The following ARHGAP15 variants were observed in gnomAD, a reference collection of about 807,000 sequenced individuals.
ARHGAP15 encodes Rho GTPase activating protein 15.
Under a neutral mutation model 63.7 loss-of-function variants are expected in ARHGAP15, and 51 were observed. The observed-to-expected ratio is 0.80, with a 90% confidence interval of 0.64 to 1.01. The LOEUF (loss-of-function observed/expected upper bound fraction) is 1.01, where lower values mean the gene tolerates loss of function less well. Ranked by LOEUF, ARHGAP15 falls within the 50% of genes least tolerant of loss-of-function variation. The probability of loss-of-function intolerance (pLI) is 0.00; values close to 1 mark genes in which losing one functional copy is unlikely to be tolerated. For missense variants in ARHGAP15, 560 were observed against 564.6 expected (o/e 0.99, Z 0.08); for synonymous variants, 191 against 193.8 (o/e 0.99, Z 0.12).
At chr2:143,562,499 C>T (rs538856020) in intron 11 of ARHGAP15, among the ~76,000 whole-genome samples, 25 of 152,308 alleles carry the variant, frequency 1.6e-4, no homozygotes, top group East Asian at 1.2e-3. Flanking sequence ...ACAGCAACAA[C>T]GAAACAAACT....
intron 6 of ARHGAP15, among the ~76,000 whole-genome samples, chr2:143,331,505 A>AG (rs1472805438): frequency 1.3e-5 from 2 of 152,212 alleles, no homozygotes; most frequent in Non-Finnish European, 2.9e-5. Context: ...GCACATAATG[A>AG]GTAACTATCA....
chr2:143,163,940 C>G (rs774474860), intron 2 of ARHGAP15, among the ~76,000 whole-genome samples: 1 of 152,030 alleles, frequency 6.6e-6, no homozygotes, highest in Non-Finnish European at 1.5e-5. Context: ...TGCAGGAGAC[C>G]TCTTGCATGG....
intron 6 of ARHGAP15, among the ~76,000 whole-genome samples, chr2:143,335,643 G>A (rs936305230): frequency 2.0e-5 from 3 of 152,220 alleles, no homozygotes; most frequent in Non-Finnish European, 4.4e-5. Flanking sequence ...CAGGAAGGAA[G>A]GGCATGAAGC....
intron 8 of ARHGAP15, among the ~76,000 whole-genome samples, chr2:143,463,735 T>C (rs1691073384): frequency 6.6e-6 from 1 of 152,180 alleles, no homozygotes; most frequent in South Asian, 2.1e-4. Flanking sequence ...TAAAATAATA[T>C]ACCTTCTGAT....
intron 12 of ARHGAP15, among the ~76,000 whole-genome samples, chr2:143,626,825 T>C (rs1698855362): frequency 6.6e-6 from 1 of 152,082 alleles, no homozygotes; most frequent in Non-Finnish European, 1.5e-5. Flanking sequence ...ACCCAGGAAT[T>C]CCAGCTGGCT....
At chr2:143,695,981 A>G (rs1683827675) in intron 12 of ARHGAP15, among the ~76,000 whole-genome samples, 1 of 152,216 alleles carries the variant, frequency 6.6e-6, no homozygotes, top group Non-Finnish European at 1.5e-5. Context: ...GAAAGAAAAG[A>G]TATTATTACT....
intron 12 of ARHGAP15, among the ~76,000 whole-genome samples, chr2:143,634,011 A>G (rs1228106961): frequency 6.6e-6 from 1 of 152,082 alleles, no homozygotes; most frequent in Non-Finnish European, 1.5e-5. Flanking sequence ...TTCTAGTTCT[A>G]AAATACACGC....
chr2:143,686,191 G>A (rs1683330873), intron 12 of ARHGAP15, among the ~76,000 whole-genome samples: 1 of 151,842 alleles, frequency 6.6e-6, no homozygotes, highest in African/African-American at 2.4e-5. Context: ...GGCAGATCAC[G>A]AGGTCAGGAG....
intron 6 of ARHGAP15, among the ~76,000 whole-genome samples, chr2:143,356,689 TTA>T (rs2105326542): frequency 6.6e-6 from 1 of 152,272 alleles, no homozygotes; most frequent in East Asian, 1.9e-4. Context: ...ATAACACAAT[TTA>T]TGTGGCTCGT....
intron 3 of ARHGAP15, among the ~76,000 whole-genome samples, chr2:143,211,350 T>A (rs1023170431): frequency 2.0e-5 from 2 of 98,196 alleles, no homozygotes; most frequent in African/African-American, 3.9e-5. Context: ...ATGGCGGGCG[T>A]GGGTGGGGGG....
chr2:143,222,974 T>C (rs1323126235), intron 4 of ARHGAP15, among the ~76,000 whole-genome samples: 1 of 152,112 alleles, frequency 6.6e-6, no homozygotes, highest in Admixed American at 6.6e-5. Flanking sequence ...CTGCATTTCT[T>C]TTTTTGTTTT....
At position 143,216,388 on chromosome 2, in the gene ARHGAP15, T is replaced by C; in HGVS notation, c.239T>C (p.Val80Ala). Residue 80 changes from valine to alanine, a missense_variant, in exon 4 of 14, where the codon GTT becomes GCT. Val to Ala is a moderately conservative substitution (Grantham distance 64). Transcript: ENST00000295095. ...DVIPPLEQLM[V>A]EKEGYLQKAK... Reference sequence around the variant, plus strand: ...ACATATGCATTCTTCTTGCAGATGGTTGAAAAAGAAGGTTATCTGCAAAAA... The same window carrying C: ...ACATATGCATTCTTCTTGCAGATGGCTGAAAAAGAAGGTTATCTGCAAAAA... The C allele has an allele frequency of 6.2e-7, 1 of 1,610,328 alleles. No individual in the cohort carries two copies. The highest frequency in any genetic ancestry group is 1.1e-5 in the South Asian group (1 of 90,506).
chr2:143,472,340 G>A (rs1691616640), intron 8 of ARHGAP15, among the ~76,000 whole-genome samples: 3 of 152,092 alleles, frequency 2.0e-5, no homozygotes. Flanking sequence ...TCACCAGGGA[G>A]ATTTATACTA....
At chr2:143,209,498 G>C (rs1692484940) in intron 3 of ARHGAP15, among the ~76,000 whole-genome samples, 1 of 151,924 alleles carries the variant, frequency 6.6e-6, no homozygotes, top group East Asian at 1.9e-4. Context: ...GGGATGAACA[G>C]AAGTGTTAAA....
chr2:143,196,447 G>T (rs1225230930), intron 2 of ARHGAP15, among the ~76,000 whole-genome samples: 2 of 151,898 alleles, frequency 1.3e-5, no homozygotes, highest in African/African-American at 4.8e-5. Context: ...CCCAAAAGAA[G>T]GGTTACCATC....
At position 143,155,590 on chromosome 2, in the gene ARHGAP15, C is replaced by T. The variant is rs1402718238; in HGVS notation, c.100C>T (p.His34Tyr). 6.2e-7 allele frequency: 1 copy of T among 1,608,894 alleles called. No homozygotes were observed. The highest frequency in any genetic ancestry group is 1.3e-5 in the African/African-American group (1 of 74,558). The change falls in exon 2 of 14, where the codon CAC becomes TAC. Residue 34 changes from histidine (H) to tyrosine (Y), a missense_variant. Transcript: ENST00000295095. Reference sequence around the variant, plus strand: ...AATGAGAATCAAAAATGCCAACAGCCACCATGACAGGCTCAGCCAAAGTAA... The same window carrying T: ...AATGAGAATCAAAAATGCCAACAGCTACCATGACAGGCTCAGCCAAAGTAA... ...VQMRIKNANS[H>Y]HDRLSQSKSM...
chr2:143,576,073 T>C (rs774230935), intron 11 of ARHGAP15, among the ~76,000 whole-genome samples: 24 of 152,128 alleles, frequency 1.6e-4, no homozygotes, highest in Non-Finnish European at 8.8e-5. Context: ...TATATCCATA[T>C]TCAAATGATA....
intron 6 of ARHGAP15, among the ~76,000 whole-genome samples, chr2:143,374,305 C>T (rs182125727): frequency 6.6e-6 from 1 of 152,196 alleles, no homozygotes; most frequent in African/African-American, 2.4e-5. Flanking sequence ...TCACCTGGAG[C>T]CACACTATTT....
Position 143,291,608 on chromosome 2 carries a change from G to T in ARHGAP15, c.474+41008G>T, listed in dbSNP as rs78061754. On this transcript the variant is annotated intron_variant, in intron 6 of 13. Transcript: ENST00000295095. ...CCAACAGCAGGCCAGGAGGCAGTGT[G>T]CTGGTAGATGCCAGGCAATCCAGAC... is the stretch of plus-strand genomic sequence containing the variant. 1.8e-4 allele frequency among the ~76,000 whole-genome samples: 28 copies of T among 152,198 alleles called. No individual in the cohort carries two copies. In the East Asian group the frequency reaches 5.4e-3, roughly 29 times the overall value.
Sources: gnomAD v4.1 joint callset for allele counts (sites outside exome capture counted in the v4.1 genomes callset) on GRCh38, gnomAD v4.1.1 for gene constraint, MANE v1.5 for transcripts, NCBI Gene and HGNC (gene_info 2026-07-23, HGNC 2026-07-21) for gene names.